The following TUB variants were observed in gnomAD, a reference collection of about 807,000 sequenced individuals.
TUB encodes the protein tubby protein homolog.
Under a neutral mutation model 59.7 loss-of-function variants are expected in TUB, and 33 were observed. The observed-to-expected ratio is 0.55, with a 90% CI of 0.42 to 0.74. The LOEUF is 0.74. TUB is among the 30% of genes least tolerant of loss of function. The probability of loss-of-function intolerance (pLI) is 0.00; values close to 1 mark genes in which losing one functional copy is unlikely to be tolerated. For synonymous variants in TUB, 293 were observed against 256.4 expected, an observed-to-expected ratio of 1.14 and a Z score of -1.36; for missense variants, 659 against 672.0, an observed-to-expected ratio of 0.98 and a Z score of 0.21.
Position 8,099,025 on chromosome 11 carries a change from G to A in TUB, c.1116+150G>A, listed in dbSNP as rs1415242918. On this transcript the variant is annotated intron_variant, in intron 9 of 11. Transcript: ENST00000299506. ...CCTCTGTGGAGTGTTCCTGGCCTAG[G>A]ACAGGGGCTCTGGCTCTCTCCTCCT... The A allele has an allele frequency of 9.0e-6, 6 of 666,360 alleles. No homozygotes were observed. In the Admixed American group the frequency reaches 1.5e-4, roughly 17 times the overall value. 41.3% of individuals were successfully genotyped at this position (666,360 alleles called of 1,614,324 possible).
At chr11:8,072,118 G>A (rs1186238238) in intron 2 of TUB, among the ~76,000 whole-genome samples, 1 of 152,186 alleles carries the variant, frequency 6.6e-6, no homozygotes, top group East Asian at 1.9e-4. Flanking sequence ...GGCTGTGATC[G>A]GACCAGGAGT....
chr11:8,042,742 T>C (rs766893583), intron 2 of TUB, among the ~76,000 whole-genome samples: 9 of 152,238 alleles, frequency 5.9e-5, no homozygotes, highest in East Asian at 1.9e-4. Context: ...TATATCTTCC[T>C]TGGAAAAATG....
chr11:8,062,318 G>A (rs1465393119), intron 2 of TUB: 2 of 152,652 alleles, frequency 1.3e-5, no homozygotes, highest in Admixed American at 1.3e-4. Flanking sequence ...CCTGCAGCAG[G>A]AGACCCTGCC....
chr11:8,097,667 C>A, intron 7 of TUB, 47 bp from the exon 8 acceptor site: 2 of 1,530,572 alleles, frequency 1.3e-6, no homozygotes, highest in Non-Finnish European at 1.8e-6. Flanking sequence ...TGACTGTGTG[C>A]AGACCAGAGG....
chr11:8,039,626 C>T (rs1589926560), intron 1 of TUB: 15 of 1,474,804 alleles, frequency 1.0e-5, no homozygotes, highest in Middle Eastern at 1.8e-4. Flanking sequence ...GGAGAGTCAC[C>T]CCTTCTTTTC....
In TUB at chr11:8,097,409, G is replaced by T. The variant is rs557127956; in HGVS notation, c.869G>T (p.Arg290Leu). The change falls in exon 7 of 12, where the codon CGT (arginine) becomes CTT (leucine). Residue 290 changes from arginine (R) to leucine (L), a missense_variant. This residue lies in a region of TUB where 112 missense variants were observed against 156.9 expected (regional missense o/e 0.71). Transcript: ENST00000299506. ...CCCACCTACTTTCTGCACCTGGACC[G>T]TGAGGATGGGAAGAAGGTAAGGTTG... is the stretch of plus-strand genomic sequence containing the variant. The part of the protein sequence containing the change: ...MYPTYFLHLD[R>L]EDGKKVFLLA... The T allele has an allele frequency of 1.2e-6, 2 of 1,614,218 alleles. No homozygotes were observed. The highest frequency in any genetic ancestry group is 8.5e-7 in the Non-Finnish European group (1 of 1,180,040).
intron 2 of TUB, among the ~76,000 whole-genome samples, chr11:8,056,805 G>A (rs1433543639): frequency 6.6e-6 from 1 of 151,564 alleles, no homozygotes; most frequent in Admixed American, 6.6e-5. Flanking sequence ...GAGGGTGAGG[G>A]GTGTGCAGGC....
intron 2 of TUB, among the ~76,000 whole-genome samples, chr11:8,064,344 A>G (rs1338766816): frequency 1.3e-5 from 2 of 152,176 alleles, no homozygotes; most frequent in Non-Finnish European, 2.9e-5. Flanking sequence ...TTCTGGGTAC[A>G]CAGATTACCA....
At chr11:8,083,200 T>C (rs1943603637) in intron 1 of TUB, among the ~76,000 whole-genome samples, 1 of 152,048 alleles carries the variant, frequency 6.6e-6, no homozygotes, top group Admixed American at 6.5e-5. Flanking sequence ...GGGCGGTGCT[T>C]GTGGGCTGAG....
chr11:8,047,840 G>A (rs1034571190), intron 2 of TUB, among the ~76,000 whole-genome samples: 7 of 152,204 alleles, frequency 4.6e-5, no homozygotes, highest in Non-Finnish European at 1.0e-4. Context: ...TGCATCACAG[G>A]ACATTTTTCT....
intron 1 of TUB, among the ~76,000 whole-genome samples, chr11:8,021,637 C>G (rs2133694717): frequency 6.6e-6 from 1 of 151,754 alleles, no homozygotes; most frequent in African/African-American, 2.4e-5. Flanking sequence ...AAATCTTGGC[C>G]AGGCGTGGTG....
chr11:8,072,493 G>A (rs988003316), intron 2 of TUB, among the ~76,000 whole-genome samples: 1 of 152,128 alleles, frequency 6.6e-6, no homozygotes, highest in South Asian at 2.1e-4. Flanking sequence ...ATAGCTCCTC[G>A]GGGAGCTGCC....
chr11:8,070,983 T>C (rs549566771), intron 2 of TUB, among the ~76,000 whole-genome samples: 110 of 152,258 alleles, frequency 7.2e-4, no homozygotes, highest in Non-Finnish European at 1.4e-3. Flanking sequence ...TGCAGATCAT[T>C]ATGTAACCAC....
intron 4 of TUB, among the ~76,000 whole-genome samples, chr11:8,095,178 C>T (rs540765147): frequency 6.6e-6 from 1 of 152,298 alleles, no homozygotes; most frequent in South Asian, 2.1e-4. Context: ...CTGGATCAGT[C>T]CTTGTTCTCC....
chr11:8,055,240 A>G (rs1193143918), intron 2 of TUB, among the ~76,000 whole-genome samples: 1 of 152,152 alleles, frequency 6.6e-6, no homozygotes, highest in Non-Finnish European at 1.5e-5. Context: ...TGAGAGAGAG[A>G]GAGGTGGGAG....
chr11:8,091,188 G>A (rs1403703366), intron 3 of TUB, among the ~76,000 whole-genome samples: 3 of 152,042 alleles, frequency 2.0e-5, no homozygotes, highest in Admixed American at 6.5e-5. Context: ...ACCCTGCCTC[G>A]CAGTATTTTA....
At chr11:8,080,769 G>A (rs1473598652), upstream of TUB, among the ~76,000 whole-genome samples, 2 of 152,198 alleles carry the variant, frequency 1.3e-5, no homozygotes, top group Admixed American at 6.5e-5. Flanking sequence ...CCAGGCGGGG[G>A]TGTGGGAACT....
intron 2 of TUB, among the ~76,000 whole-genome samples, chr11:8,041,230 T>C (rs1231511476): frequency 2.6e-5 from 4 of 152,216 alleles, no homozygotes; most frequent in Non-Finnish European, 5.9e-5. Context: ...CTACTTCACG[T>C]TGAATGGCTC....
At chr11:8,097,625 G>T in intron 7 of TUB, 89 bp from the exon 8 acceptor site, 16 of 1,336,808 alleles carry the variant, frequency 1.2e-5, no homozygotes, top group Non-Finnish European at 1.7e-5. Flanking sequence ...GGGAGCTGAC[G>T]CAACGGAGAG....
Sources: gnomAD v4.1 joint callset for allele counts (sites outside exome capture counted in the v4.1 genomes callset) on GRCh38, gnomAD v4.1.1 for gene constraint, gnomAD v4.1.1 regional missense constraint, MANE v1.5 for transcripts, NCBI Gene and HGNC (gene_info 2026-07-23, HGNC 2026-07-21) for gene names.